The following SYT1 variants were observed in gnomAD, a reference collection of about 807,000 sequenced individuals.
SYT1 encodes the protein synaptotagmin-1.
Under a neutral mutation model 44.8 loss-of-function variants are expected in SYT1, and 8 were observed. The observed-to-expected ratio is 0.18, with a 90% CI of 0.10 to 0.32. The LOEUF is 0.32. SYT1 is among the 10% of genes least tolerant of loss of function. SYT1 has a pLI of 1.00. For missense variants in SYT1, 286 were observed against 509.3 expected, an observed-to-expected ratio of 0.56 and a Z score of 4.22; for synonymous variants, 154 against 188.8, an observed-to-expected ratio of 0.82 and a Z score of 1.51.
At chr12:78,958,139 T>A (rs192689628) in intron 1 of SYT1, among the ~76,000 whole-genome samples, 1 of 152,254 alleles carries the variant, frequency 6.6e-6, no homozygotes, top group Admixed American at 6.5e-5. Flanking sequence ...CTTCTCCAAG[T>A]GTCCTTTAAT....
intron 9 of SYT1, among the ~76,000 whole-genome samples, chr12:79,412,204 G>A (rs1468924145): frequency 6.6e-6 from 1 of 152,124 alleles, no homozygotes; most frequent in Non-Finnish European, 1.5e-5. Context: ...TTCTTCCCTT[G>A]GGGTGGGCTG....
At chr12:79,092,117 G>A (rs1455755901) in intron 3 of SYT1, among the ~76,000 whole-genome samples, 1 of 151,812 alleles carries the variant, frequency 6.6e-6, no homozygotes, top group Non-Finnish European at 1.5e-5. Context: ...ATATATTCAG[G>A]TTCCAGGGCC....
chr12:79,046,909 A>G (rs1226608444), intron 2 of SYT1, among the ~76,000 whole-genome samples: 3 of 151,974 alleles, frequency 2.0e-5, no homozygotes, highest in South Asian at 2.1e-4. Flanking sequence ...TAATAGTCAT[A>G]TTGGTAATTG....
intron 3 of SYT1, among the ~76,000 whole-genome samples, chr12:79,117,685 ATATATATATATATATATATATATATAT>A (rs1879361725): frequency 2.6e-5 from 2 of 76,334 alleles, no homozygotes; most frequent in Non-Finnish European, 5.4e-5. Flanking sequence ...ATATATATAT[ATATATATATATATATATATATATATAT>A]ATAAAATAAA....
rs71091653 is a variant in SYT1, at chr12:79,215,918, CTTTTTTTTTTTTTTTTTTT to C, written c.-17-1573_-17-1555del. ...ACTCACAAATCGTTTGCATTTCTTTCTTTTTTTTTTTTTTTTTTTTTTTTTTTTTTGAGACAGAGTTTCG... is the reference window on the plus strand; with the variant it reads ...ACTCACAAATCGTTTGCATTTCTTTCTTTTTTTTTTTGAGACAGAGTTTCG... On this transcript the variant is annotated intron_variant, in intron 3 of 10. Transcript: ENST00000261205. Among the ~76,000 whole-genome samples, 143 of 76,798 alleles carry C rather than the reference CTTTTTTTTTTTTTTTTTTT, an allele frequency of 1.9e-3. No homozygotes were observed. The Middle Eastern group carries it at 0.048, about 26-fold the overall frequency. The allele number at this position is 76,798 out of a possible 152,430, so 50.4% of individuals were successfully genotyped here. A position where few individuals can be genotyped will look rare whatever the true frequency, so the allele number is the denominator to read the frequency against.
intron 8 of SYT1, among the ~76,000 whole-genome samples, chr12:79,340,589 A>G (rs915312251): frequency 2.0e-5 from 3 of 152,126 alleles, no homozygotes; most frequent in African/African-American, 4.8e-5. Context: ...GGGTTTTCTA[A>G]ATATACAATC....
At chr12:78,915,591 T>G (rs1876606059) in intron 1 of SYT1, among the ~76,000 whole-genome samples, 1 of 152,062 alleles carries the variant, frequency 6.6e-6, no homozygotes, top group Non-Finnish European at 1.5e-5. Context: ...TATATGTATT[T>G]GTCTGTATTT....
intron 9 of SYT1, among the ~76,000 whole-genome samples, chr12:79,386,661 CCTGG>C (rs967681325): frequency 9.2e-5 from 14 of 152,202 alleles, no homozygotes; most frequent in African/African-American, 3.1e-4. Flanking sequence ...CCTGGTATTC[CCTGG>C]TGTTTCGATC....
At chr12:79,189,088 G>A (rs1021953731) in intron 3 of SYT1, among the ~76,000 whole-genome samples, 1 of 152,088 alleles carries the variant, frequency 6.6e-6, no homozygotes. Flanking sequence ...CTGTAACTGA[G>A]TAAAAAGATG....
At chr12:79,180,488 T>TTA (rs1308403493) in intron 3 of SYT1, among the ~76,000 whole-genome samples, 302 of 23,686 alleles carry the variant, frequency 0.013, 2 homozygotes, top group African/African-American at 0.037. Flanking sequence ...TTTTTTTTTT[T>TTA]AAAAAAAGGA....
At chr12:79,284,036 A>C (rs1426138473) in intron 4 of SYT1, among the ~76,000 whole-genome samples, 1 of 152,056 alleles carries the variant, frequency 6.6e-6, no homozygotes, top group Non-Finnish European at 1.5e-5. Flanking sequence ...ACTGGTGTTC[A>C]GCAATCATTG....
intron 9 of SYT1, 142 bp from the exon 10 acceptor site, chr12:79,443,931 T>TA: frequency 2.3e-6 from 2 of 884,130 alleles, no homozygotes; most frequent in Non-Finnish European, 3.3e-6. Flanking sequence ...AATATTTCAA[T>TA]AAAAAAGTAT....
At position 78,883,163 on chromosome 12, in the gene SYT1, T is replaced by C. The variant is rs190649821; in HGVS notation, c.-217+18054T>C. Among the ~76,000 whole-genome samples, 6 of 151,722 alleles carry C rather than the reference T, an allele frequency of 4.0e-5. No homozygotes were observed. In the East Asian group the frequency reaches 7.8e-4, roughly 20 times the overall value. ...CGAACAGTAATACACTAAATTATAA[T>C]GTTATAACAGTGAACAATTGATGTT... On this transcript the variant is annotated intron_variant, in intron 1 of 10. Transcript: ENST00000261205.
At chr12:79,295,695 T>C (rs780132799) in intron 6 of SYT1, among the ~76,000 whole-genome samples, 6 of 152,234 alleles carry the variant, frequency 3.9e-5, no homozygotes, top group African/African-American at 7.2e-5. Context: ...TGCTTAACAA[T>C]GCATTTTCAC....
At chr12:78,946,011 C>A (rs868454595) in intron 1 of SYT1, among the ~76,000 whole-genome samples, 24 of 152,236 alleles carry the variant, frequency 1.6e-4, no homozygotes, top group Middle Eastern at 6.8e-3. Context: ...AAATTCAGGA[C>A]CTTTTCTTTC....
chr12:79,146,728 C>T lies in SYT1; in HGVS notation c.-17-70775C>T, dbSNP rs769713758. On this transcript the variant is annotated intron_variant, in intron 3 of 10. Coordinates refer to ENST00000261205, the MANE Select transcript of SYT1 (RefSeq NM_005639.3). ...GATATGGTAGAAGAATAAACAGAGG[C>T]CATTGAAGTTCATCAAAGGATGTTT... 5.9e-5 allele frequency among the ~76,000 whole-genome samples: 9 copies of T among 152,048 alleles called. No individual in the cohort carries two copies. In the East Asian group the frequency reaches 1.5e-3, roughly 26 times the overall value.
At chr12:79,110,571 A>G (rs1268735166) in intron 3 of SYT1, among the ~76,000 whole-genome samples, 1 of 152,192 alleles carries the variant, frequency 6.6e-6, no homozygotes, top group Non-Finnish European at 1.5e-5. Context: ...CTAATTATTG[A>G]TATCAGAAAT....
At chr12:78,946,411 T>C (rs959961548) in intron 1 of SYT1, among the ~76,000 whole-genome samples, 1 of 152,150 alleles carries the variant, frequency 6.6e-6, no homozygotes, top group Non-Finnish European at 1.5e-5. Flanking sequence ...TCCCAGCACT[T>C]TGGGATGCCT....
At chr12:79,270,930 T>C (rs1325710766) in intron 4 of SYT1, among the ~76,000 whole-genome samples, 2 of 152,176 alleles carry the variant, frequency 1.3e-5, no homozygotes, top group African/African-American at 4.8e-5. Context: ...CATTGGGAAA[T>C]AAATGCGTAG....
Sources: allele counts gnomAD v4.1 joint callset (sites outside exome capture counted in the v4.1 genomes callset), GRCh38; gene constraint gnomAD v4.1.1; transcripts MANE v1.5; gene names NCBI Gene and HGNC (gene_info 2026-07-23, HGNC 2026-07-21).